Variants in OR8B3 observed in about 807,000 individuals in gnomAD.
OR8B3 encodes olfactory receptor family 8 subfamily B member 3, also known as olfactory receptor 8B3.
For missense variants in OR8B3, 278 were observed against 377.6 expected, an observed-to-expected ratio of 0.74 and a Z score of 2.19; for synonymous variants, 102 against 135.4, an observed-to-expected ratio of 0.75 and a Z score of 1.71.
At chr11:124,404,075 T>A in the OR8B3 span, among the ~76,000 whole-genome samples, 1 of 152,244 alleles carries the variant, frequency 6.6e-6, no homozygotes, top group African/African-American at 2.4e-5. Context: ...ACAGTCCAGC[T>A]TCGGCTCGGC....
At chr11:124,400,792 C>G (rs1565352228), upstream of OR8B3, among the ~76,000 whole-genome samples, 1 of 151,972 alleles carries the variant, frequency 6.6e-6, no homozygotes, top group East Asian at 1.9e-4. Context: ...CCCACCTTGG[C>G]CTCCCAAGGT....
At chr11:124,397,583 T>G (rs1254579449) in intron 1 of OR8B3, among the ~76,000 whole-genome samples, 5 of 151,968 alleles carry the variant, frequency 3.3e-5, no homozygotes, top group African/African-American at 4.8e-5. Context: ...CTCCTGTCCT[T>G]ACTAGAAGAC....
chr11:124,396,975 A>G lies in OR8B3; in HGVS notation c.377T>C (p.Ile126Thr). 10 of 1,613,708 alleles carry G rather than the reference A, an allele frequency of 6.2e-6. No individual in the cohort carries two copies. Among genetic ancestry groups the G allele is most frequent in the Non-Finnish European group, 8.5e-6 (10 of 1,179,774 alleles). ...GACCTTATACAGCAATGGATTACAG[A>G]TGGCCACATAGCGATCATATGCCAT... ...TSMAYDRYVA[I>T]CNPLLYKVTM... Residue 126 changes from isoleucine (I) to threonine (T), a missense_variant, in exon 2 of 2, where the codon ATC becomes ACC. Transcript: ENST00000641139.
At position 124,396,502 on chromosome 11, in the gene OR8B3, G is replaced by A. The variant is rs772377199; in HGVS notation, c.850C>T (p.Leu284Phe). The A allele has an allele frequency of 6.2e-7, 1 of 1,614,114 alleles. No homozygotes were observed. The highest frequency in any genetic ancestry group is 8.5e-7 in the Non-Finnish European group (1 of 1,180,032). The stretch of plus-strand genomic sequence containing the variant: ...CTCAAACTGTAGATGAGAGGATTGA[G>A]CATGGGCACCACATTAGTGTAGAAA... ...SVFYTNVVPM[L>F]NPLIYSLRNK... Residue 284 changes from leucine to phenylalanine, a missense_variant, in exon 2 of 2, where the codon CTC (leucine) becomes TTC (phenylalanine). Transcript: ENST00000641139.
upstream of OR8B3, among the ~76,000 whole-genome samples, chr11:124,400,508 C>T (rs1436105417): frequency 6.6e-6 from 1 of 151,938 alleles, no homozygotes. Flanking sequence ...CTGGTAACAA[C>T]CATTTTGTTT....
At chr11:124,407,010 A>G in the OR8B3 span, among the ~76,000 whole-genome samples, 1 of 151,894 alleles carries the variant, frequency 6.6e-6, no homozygotes, top group East Asian at 1.9e-4. Context: ...GGGGGCTCTC[A>G]TTTGCTTTGA....
chr11:124,398,317 G>A (rs1337100918), intron 1 of OR8B3, among the ~76,000 whole-genome samples: 2 of 152,182 alleles, frequency 1.3e-5, no homozygotes, highest in Non-Finnish European at 2.9e-5. Context: ...ACAGGTCTTT[G>A]TAGGAAGGCA....
upstream of OR8B3, among the ~76,000 whole-genome samples, chr11:124,401,292 A>G (rs1456271717): frequency 6.7e-6 from 1 of 149,818 alleles, no homozygotes; most frequent in African/African-American, 2.5e-5. Flanking sequence ...CACTCTTGCT[A>G]TAAAGGCATT....
chr11:124,408,546 T>C, the OR8B3 span, among the ~76,000 whole-genome samples: 1 of 152,156 alleles, frequency 6.6e-6, no homozygotes, highest in Admixed American at 6.6e-5. Flanking sequence ...GGTCTTCTTG[T>C]CTATAGGTGA....
chr11:124,395,861 T>C lies in OR8B3; in HGVS notation c.*549A>G, dbSNP rs1860854907. 1 of 152,622 alleles carries C rather than the reference T, an allele frequency of 6.6e-6. No individual in the cohort carries two copies. Among genetic ancestry groups the C allele is most frequent in the Non-Finnish European group, 1.5e-5 (1 of 68,408 alleles). The allele number at this position is 152,622 out of a possible 1,614,324, so 9.5% of individuals were successfully genotyped here. On this transcript the variant is annotated 3_prime_UTR_variant, in exon 2 of 2. Transcript: ENST00000641139. ...ACGGCATGTGGTACAAATTTTGCCA[T>C]TCTCAAAGGGAACAAGAAAAGTCAG...
Position 124,397,127 on chromosome 11 carries a change from A to T in OR8B3, c.225T>A (p.Ser75=). 2 of 1,613,352 alleles carry T rather than the reference A, an allele frequency of 1.2e-6. No individual in the cohort carries two copies. The highest frequency in any genetic ancestry group is 1.7e-6 in the Non-Finnish European group (2 of 1,179,556). Residue 75 remains serine, a synonymous_variant, in exon 2 of 2, where the codon TCT becomes TCA. Transcript: ENST00000641139. ...NLSFIDLCYS[S]VFTPKMLMNF... is the part of the protein sequence containing the mutation. ...TCATTAGCATTTTGGGAGTGAAAAC[A>T]GAGGAGTAACAGAGATCAATGAAGG...
the OR8B3 span, among the ~76,000 whole-genome samples, chr11:124,405,878 T>C: frequency 6.6e-6 from 1 of 152,214 alleles, no homozygotes; most frequent in Non-Finnish European, 1.5e-5. Context: ...TACCTTTGGA[T>C]CCTTCTGTAC....
At chr11:124,407,419 C>T in the OR8B3 span, among the ~76,000 whole-genome samples, 2 of 152,044 alleles carry the variant, frequency 1.3e-5, no homozygotes, top group African/African-American at 4.8e-5. Context: ...TCATATACCC[C>T]ACTCTCATGT....
upstream of OR8B3, among the ~76,000 whole-genome samples, chr11:124,399,420 A>G (rs2134210113): frequency 6.6e-6 from 1 of 152,294 alleles, no homozygotes; most frequent in South Asian, 2.1e-4. Context: ...GTAACATAGA[A>G]TTATCCTTTA....
intron 1 of OR8B3, among the ~76,000 whole-genome samples, 195 bp from the exon 2 acceptor site, chr11:124,397,563 C>A (rs1195749172): frequency 6.6e-6 from 1 of 151,622 alleles, no homozygotes; most frequent in Non-Finnish European, 1.5e-5. Flanking sequence ...CTGAATGTGA[C>A]AAACAATTGC....
chr11:124,403,759 G>T (rs1861037612), upstream of OR8B3, among the ~76,000 whole-genome samples: 1 of 152,188 alleles, frequency 6.6e-6, no homozygotes, highest in South Asian at 2.1e-4. Context: ...GGCCAAGGCA[G>T]GCGGCTGGGA....
At chr11:124,402,850 TTG>T (rs1861018312), upstream of OR8B3, among the ~76,000 whole-genome samples, 1 of 144,858 alleles carries the variant, frequency 6.9e-6, no homozygotes. Flanking sequence ...TTTTTTTTTA[TTG>T]ATCATTCTTG....
At chr11:124,403,639 G>A (rs1213852105), upstream of OR8B3, among the ~76,000 whole-genome samples, 11 of 152,130 alleles carry the variant, frequency 7.2e-5, no homozygotes, top group Non-Finnish European at 1.6e-4. Flanking sequence ...CTGGGCAGCT[G>A]GGCAGAGGGG....
chr11:124,396,680 G>T lies in OR8B3; in HGVS notation c.672C>A (p.Ser224Arg), dbSNP rs778359081. Reference sequence around the variant, plus strand: ...CTTGAGTGGATTTGATATGAAGAATGCTAGTGACAATGAAAACATAAGAAA... The same window carrying T: ...CTTGAGTGGATTTGATATGAAGAATTCTAGTGACAATGAAAACATAAGAAA... Reference protein sequence around the residue: ...ILISYVFIVTSILHIKSTQGR... With the variant: ...ILISYVFIVTRILHIKSTQGR... Residue 224 changes from serine to arginine, a missense_variant, in exon 2 of 2, where the codon AGC becomes AGA. Coordinates refer to ENST00000641139, the MANE Select transcript of OR8B3 (RefSeq NM_001005467.2). The T allele has an allele frequency of 1.6e-5, 26 of 1,613,692 alleles. No individual in the cohort carries two copies. Among genetic ancestry groups the T allele is most frequent in the Admixed American group, 1.0e-4 (6 of 59,958 alleles).
Sources: allele counts gnomAD v4.1 joint callset (sites outside exome capture counted in the v4.1 genomes callset), GRCh38; gene constraint gnomAD v4.1.1; transcripts MANE v1.5; gene names NCBI Gene and HGNC (gene_info 2026-07-23, HGNC 2026-07-21).